SIPA1L3: variants seen among roughly 807,000 people sequenced by gnomAD.
SIPA1L3 encodes the protein signal-induced proliferation-associated 1-like protein 3.
SIPA1L3 carries 59 observed loss-of-function variants against 150.1 expected under a neutral mutation model. The ratio of observed to expected loss-of-function variants is 0.39; its 90% confidence interval spans 0.32 to 0.49. SIPA1L3 has a LOEUF of 0.49. Among genes scored for constraint, SIPA1L3 ranks in the 20% least tolerant of loss-of-function variants. SIPA1L3 has a pLI of 0.86. For synonymous variants in SIPA1L3, 1,070 were observed against 1,077.6 expected, an observed-to-expected ratio of 0.99 and a Z score of 0.14; for missense variants, 2,211 against 2,489.5, an observed-to-expected ratio of 0.89 and a Z score of 2.38.
At chr19:38,161,194 T>C (rs1388168495) in intron 13 of SIPA1L3, among the ~76,000 whole-genome samples, 1 of 144,606 alleles carries the variant, frequency 6.9e-6, no homozygotes, top group Non-Finnish European at 1.5e-5. Flanking sequence ...ATACAAAAAT[T>C]AGCCGGGCGT....
At chr19:38,050,408 A>T (rs1187968587) in intron 2 of SIPA1L3, among the ~76,000 whole-genome samples, 2 of 57,336 alleles carry the variant, frequency 3.5e-5, no homozygotes, top group Non-Finnish European at 6.5e-5. Context: ...GTGAGCCAAG[A>T]TCACACCACT....
chr19:38,198,323 C>T (rs1973010813), intron 18 of SIPA1L3, 66 bp from the exon 19 acceptor site: 1 of 1,428,982 alleles, frequency 7.0e-7, no homozygotes. Flanking sequence ...AATGGGATGT[C>T]TTCATGTATT....
chr19:38,206,186 CG>C lies in SIPA1L3; in HGVS notation c.5293del (p.Glu1765SerfsTer68). ...RLQEESQAAS[E>X]QLRKFAEIFC... ...TGCAGGAGGAGTCGCAGGCCGCCAG[CG>C]AGCAGCTGCGCAAGTTTGCGGAGAT... On this transcript the variant is annotated frameshift_variant, in exon 22 of 22. Coordinates refer to ENST00000222345, the MANE Select transcript of SIPA1L3 (RefSeq NM_015073.3). LOFTEE classifies it high-confidence loss of function. 1.3e-6 allele frequency: 2 copies of C among 1,556,894 alleles called. No individual in the cohort carries two copies. Among genetic ancestry groups the C allele is most frequent in the South Asian group, 2.4e-5 (2 of 84,236 alleles).
At chr19:38,135,538 A>G (rs2145927591) in intron 10 of SIPA1L3, among the ~76,000 whole-genome samples, 1 of 152,312 alleles carries the variant, frequency 6.6e-6, no homozygotes, top group East Asian at 1.9e-4. Context: ...CAGCTTGCGC[A>G]TCGCATGACT....
At chr19:37,968,946 T>C (rs2046929048) in intron 1 of SIPA1L3, among the ~76,000 whole-genome samples, 1 of 152,210 alleles carries the variant, frequency 6.6e-6, no homozygotes, top group African/African-American at 2.4e-5. Flanking sequence ...CATTGACACA[T>C]CATGTCCTGA....
At chr19:37,980,629 C>T (rs1017278634) in intron 1 of SIPA1L3, among the ~76,000 whole-genome samples, 8 of 152,144 alleles carry the variant, frequency 5.3e-5, no homozygotes, top group Non-Finnish European at 8.8e-5. Context: ...GGAGGGGGCC[C>T]GTCGAGGCAT....
chr19:38,145,118 C>T (rs994012166), intron 12 of SIPA1L3, among the ~76,000 whole-genome samples: 5 of 149,848 alleles, frequency 3.3e-5, no homozygotes, highest in Middle Eastern at 3.4e-3. Context: ...GTGGTGTTAC[C>T]GAAAGCTCTT....
At chr19:37,984,440 T>C (rs1345339728) in intron 1 of SIPA1L3, among the ~76,000 whole-genome samples, 3 of 151,964 alleles carry the variant, frequency 2.0e-5, no homozygotes, top group Non-Finnish European at 2.9e-5. Flanking sequence ...TGCTGAAAGC[T>C]CACAACGAGT....
At chr19:37,991,188 C>T (rs1291354969) in intron 1 of SIPA1L3, among the ~76,000 whole-genome samples, 9 of 152,028 alleles carry the variant, frequency 5.9e-5, no homozygotes, top group African/African-American at 1.9e-4. Context: ...GCCGAGATTG[C>T]GCCACTGCAC....
At position 38,182,545 on chromosome 19, in the gene SIPA1L3, C is replaced by G. The variant is rs752673536; in HGVS notation, c.4235C>G (p.Pro1412Arg). 27 of 1,613,290 alleles carry G rather than the reference C, an allele frequency of 1.7e-5. No homozygotes were observed. The South Asian group carries it at 3.0e-4, about 18-fold the overall frequency. ...PSDMGSRVGY[P>R]AQVYKTASAE... ...GACATGGGCTCGAGGGTTGGCTACCCCGCTCAGGTTTACAAAACTGCCAGT... is the reference window on the plus strand; with the variant it reads ...GACATGGGCTCGAGGGTTGGCTACCGCGCTCAGGTTTACAAAACTGCCAGT... The change falls in exon 16 of 22, where the codon CCC (proline) becomes CGC (arginine). Residue 1412 changes from proline to arginine, a missense_variant. Physicochemically the swap from Pro to Arg is moderately radical, Grantham distance 103. Around this residue, in one of 5 missense-constraint regions of SIPA1L3, gnomAD observed 806 missense variants for 870.1 expected, o/e 0.93. Transcript: ENST00000222345.
chr19:37,983,501 G>C (rs1031329729), intron 1 of SIPA1L3, among the ~76,000 whole-genome samples: 1 of 151,644 alleles, frequency 6.6e-6, no homozygotes, highest in African/African-American at 2.4e-5. Flanking sequence ...CAGTAGCGTT[G>C]ACCATGAAGA....
At chr19:37,929,205 T>TGGAGCC (rs1016501855) in intron 1 of SIPA1L3, among the ~76,000 whole-genome samples, 3 of 152,112 alleles carry the variant, frequency 2.0e-5, no homozygotes, top group Non-Finnish European at 2.9e-5. Context: ...GGGCTGGGGC[T>TGGAGCC]GGAGCCGGGG....
At chr19:37,952,806 T>C (rs2046776551) in intron 1 of SIPA1L3, among the ~76,000 whole-genome samples, 1 of 152,276 alleles carries the variant, frequency 6.6e-6, no homozygotes, top group Admixed American at 6.5e-5. Context: ...CAGACTGGCC[T>C]GGGGAACTTG....
chr19:37,990,919 T>C (rs1484148135), intron 1 of SIPA1L3, among the ~76,000 whole-genome samples: 1 of 152,190 alleles, frequency 6.6e-6, no homozygotes, highest in African/African-American at 2.4e-5. Flanking sequence ...GGGAGGTAAC[T>C]TGTCCACTGC....
chr19:38,121,918 CAA>C (rs908331845), intron 9 of SIPA1L3, among the ~76,000 whole-genome samples: 1 of 140,100 alleles, frequency 7.1e-6, no homozygotes, highest in Non-Finnish European at 1.6e-5. Flanking sequence ...GACCCGGACT[CAA>C]AAAAAAAAAT....
At chr19:38,117,841 A>G (rs931416030) in intron 8 of SIPA1L3, among the ~76,000 whole-genome samples, 1 of 151,596 alleles carries the variant, frequency 6.6e-6, no homozygotes, top group Non-Finnish European at 1.5e-5. Flanking sequence ...CCTGGAGTGC[A>G]GTGGCACATT....
intron 1 of SIPA1L3, among the ~76,000 whole-genome samples, chr19:37,930,089 A>G (rs1284800781): frequency 2.1e-5 from 3 of 145,694 alleles, no homozygotes; most frequent in Admixed American, 1.4e-4. Context: ...CAGTGGCGCG[A>G]TCTCGGCTCA....
chr19:38,121,886 TC>T (rs1218360574), intron 9 of SIPA1L3, among the ~76,000 whole-genome samples: 1 of 151,146 alleles, frequency 6.6e-6, no homozygotes, highest in Non-Finnish European at 1.5e-5. Flanking sequence ...ACCACTGCAC[TC>T]GAACCTCGGC....
At position 38,152,828 on chromosome 19, in the gene SIPA1L3, C is replaced by T. The variant is rs1223024614; in HGVS notation, c.3534-12C>T. On this transcript the variant is annotated splice_polypyrimidine_tract_variant and intron_variant, in intron 12 of 21. Coordinates refer to ENST00000222345, the MANE Select transcript of SIPA1L3 (RefSeq NM_015073.3). ...TCTTTAACCCTGGGCACGTTCTTCT[C>T]ATCCCCTGCAGGTACACGGCTGCCC... is the stretch of plus-strand genomic sequence containing the variant. 1.2e-6 allele frequency: 2 copies of T among 1,603,614 alleles called. No homozygotes were observed. The highest frequency in any genetic ancestry group is 2.2e-5 in the East Asian group (1 of 44,634).
Sources: allele counts gnomAD v4.1 joint callset (sites outside exome capture counted in the v4.1 genomes callset), GRCh38; gene constraint gnomAD v4.1.1; regional missense constraint gnomAD v4.1.1; transcripts MANE v1.5; gene names NCBI Gene and HGNC (gene_info 2026-07-23, HGNC 2026-07-21).